TMEM132D: variants seen among roughly 807,000 people sequenced by gnomAD.
The protein encoded by TMEM132D is mature OL transmembrane protein.
A neutral mutation model predicts 62.3 loss-of-function variants in TMEM132D; 21 were observed. The observed-to-expected ratio is 0.34, with a 90% CI of 0.24 to 0.49. The LOEUF is 0.49. Among genes scored for constraint, TMEM132D ranks in the 20% least tolerant of loss-of-function variants. TMEM132D has a pLI of 0.99. For missense variants in TMEM132D, 1,346 were observed against 1,402.8 expected (o/e 0.96, Z 0.65); for synonymous variants, 621 against 575.6 (o/e 1.08, Z -1.13).
At position 129,903,714 on chromosome 12, in the gene TMEM132D, G is replaced by T. The variant is rs1191146845; in HGVS notation, c.-375C>A. ...CGCCTCCAGGCGCAGGGCTCCGGCG[G>T]CTCCAGCTGCTCCCGGGCTGGCTAG... On this transcript the variant is annotated 5_prime_UTR_variant, in exon 1 of 9. Transcript: ENST00000422113. This position sits in a 1 kb window ranked among gnomAD's most constrained non-coding sequence, Gnocchi z 6.2. The T allele has an allele frequency of 6.3e-6, 1 of 158,040 alleles. No homozygotes were observed. The highest frequency in any genetic ancestry group is 2.4e-5 in the African/African-American group (1 of 41,626). 9.8% of individuals were successfully genotyped at this position (158,040 alleles called of 1,614,324 possible). A position where few individuals can be genotyped will look rare whatever the true frequency, so the allele number is the denominator to read the frequency against.
At chr12:129,461,451 T>C (rs1471140140) in intron 3 of TMEM132D, among the ~76,000 whole-genome samples, 1 of 152,010 alleles carries the variant, frequency 6.6e-6, no homozygotes, top group African/African-American at 2.4e-5. Context: ...TGTAGAAAGA[T>C]GAAGATGGAC....
intron 1 of TMEM132D, among the ~76,000 whole-genome samples, chr12:129,724,916 G>A (rs377299735): frequency 6.6e-6 from 1 of 152,328 alleles, no homozygotes; most frequent in East Asian, 1.9e-4. Context: ...GCATTGTGAA[G>A]TCTCCCCTCC....
intron 1 of TMEM132D, among the ~76,000 whole-genome samples, chr12:129,785,340 TG>T (rs1439863096): frequency 8.5e-5 from 13 of 152,182 alleles, no homozygotes; most frequent in African/African-American, 3.1e-4. Flanking sequence ...TGCCACTAAC[TG>T]GGTTTGATGT....
intron 2 of TMEM132D, among the ~76,000 whole-genome samples, chr12:129,563,652 T>C (rs1877296470): frequency 6.6e-6 from 1 of 152,112 alleles, no homozygotes; most frequent in Non-Finnish European, 1.5e-5. Flanking sequence ...GTTGTCCTTT[T>C]AGGATAGATT....
At chr12:129,123,168 A>C (rs1258710876) in intron 5 of TMEM132D, among the ~76,000 whole-genome samples, 4 of 152,238 alleles carry the variant, frequency 2.6e-5, no homozygotes, top group African/African-American at 9.6e-5. Flanking sequence ...TTTCATGAAT[A>C]AAGCAGTTAT....
intron 5 of TMEM132D, among the ~76,000 whole-genome samples, chr12:129,099,690 C>G (rs1171293806): frequency 6.6e-6 from 1 of 152,274 alleles, no homozygotes; most frequent in African/African-American, 2.4e-5. Flanking sequence ...GAATTCTCAG[C>G]AGATGCAGGT....
At chr12:129,834,449 C>T (rs1210923600) in intron 1 of TMEM132D, among the ~76,000 whole-genome samples, 1 of 151,784 alleles carries the variant, frequency 6.6e-6, no homozygotes, top group African/African-American at 2.4e-5. Context: ...CCCCTCCCTC[C>T]CATACCACTC....
intron 2 of TMEM132D, among the ~76,000 whole-genome samples, chr12:129,534,953 G>A (rs965233163): frequency 3.9e-5 from 6 of 152,182 alleles, no homozygotes; most frequent in East Asian, 1.9e-4. Context: ...CTTGTTTAAC[G>A]TAGCCTGAGT....
intron 4 of TMEM132D, among the ~76,000 whole-genome samples, chr12:129,269,817 C>G (rs1880804260): frequency 1.3e-5 from 2 of 152,172 alleles, no homozygotes; most frequent in South Asian, 2.1e-4. Context: ...GAGGCTGGAT[C>G]TCATTTTTCA....
intron 1 of TMEM132D, among the ~76,000 whole-genome samples, chr12:129,891,541 A>G (rs1593200830): frequency 1.3e-5 from 2 of 152,340 alleles, no homozygotes; most frequent in African/African-American, 4.8e-5. Context: ...AATCCGGCTA[A>G]TATCTGTGCA....
Position 129,074,109 on chromosome 12 carries a change from G to A in TMEM132D, c.3066C>T (p.Pro1022=), listed in dbSNP as rs2135601856. Residue 1022 remains proline (P), a synonymous_variant, in exon 9 of 9, where the codon CCC becomes CCT. Coordinates refer to ENST00000422113, the MANE Select transcript of TMEM132D (RefSeq NM_133448.3). The part of the protein sequence containing the change: ...INGQLFKPLG[P]IIIDGKDQKS... ...TCTGATCTTTCCCATCAATGATGAT[G>A]GGTCCCAAAGGTTTGAACAGCTGCC... 2 of 1,614,108 alleles carry A rather than the reference G, an allele frequency of 1.2e-6. No homozygotes were observed. The highest frequency in any genetic ancestry group is 1.3e-5 in the African/African-American group (1 of 75,018).
At chr12:129,321,352 T>C (rs944650209) in intron 4 of TMEM132D, among the ~76,000 whole-genome samples, 10 of 152,196 alleles carry the variant, frequency 6.6e-5, no homozygotes, top group African/African-American at 1.9e-4. Flanking sequence ...GATACCAAAA[T>C]AGAAACTTCC....
At chr12:129,814,671 T>C (rs1235527336) in intron 1 of TMEM132D, among the ~76,000 whole-genome samples, 1 of 150,334 alleles carries the variant, frequency 6.7e-6, no homozygotes, top group African/African-American at 2.4e-5. Context: ...GTAGGGGTCC[T>C]ATGAGTTTGT....
At chr12:129,694,869 A>T (rs947655813) in intron 2 of TMEM132D, among the ~76,000 whole-genome samples, 1 of 152,140 alleles carries the variant, frequency 6.6e-6, no homozygotes, top group Non-Finnish European at 1.5e-5. Flanking sequence ...TTAGCCAGGC[A>T]TGGCGATGTG....
chr12:129,821,746 GT>G (rs1056146409), intron 1 of TMEM132D, among the ~76,000 whole-genome samples: 1 of 152,180 alleles, frequency 6.6e-6, no homozygotes, highest in African/African-American at 2.4e-5. Flanking sequence ...AATGCAGCCT[GT>G]GACTCTGCCC....
At chr12:129,641,448 G>A (rs1434114058) in intron 2 of TMEM132D, among the ~76,000 whole-genome samples, 1 of 152,196 alleles carries the variant, frequency 6.6e-6, no homozygotes, top group Non-Finnish European at 1.5e-5. Flanking sequence ...TACCGTTGGT[G>A]AGCAAATCCT....
intron 4 of TMEM132D, among the ~76,000 whole-genome samples, chr12:129,242,813 A>G (rs1879970452): frequency 6.6e-6 from 1 of 152,186 alleles, no homozygotes; most frequent in Admixed American, 6.5e-5. Context: ...AATGAAGTCC[A>G]CTGATAAGTT....
At chr12:129,419,722 G>A (rs1872242396) in intron 3 of TMEM132D, among the ~76,000 whole-genome samples, 1 of 152,144 alleles carries the variant, frequency 6.6e-6, no homozygotes, top group Admixed American at 6.5e-5. Context: ...AGTCTATATT[G>A]TGATGTCTTT....
intron 1 of TMEM132D, among the ~76,000 whole-genome samples, chr12:129,809,244 G>T (rs1280565447): frequency 2.7e-5 from 4 of 150,410 alleles, no homozygotes; most frequent in Non-Finnish European, 5.9e-5. Flanking sequence ...GGAGGCAGAG[G>T]TTGCAGTGAG....
Sources: allele counts gnomAD v4.1 joint callset (sites outside exome capture counted in the v4.1 genomes callset), GRCh38; gene constraint gnomAD v4.1.1; non-coding constraint Gnocchi (gnomAD v3.1); transcripts MANE v1.5; gene names NCBI Gene and HGNC (gene_info 2026-07-23, HGNC 2026-07-21).